The following KIRREL3 variants were observed in gnomAD, a reference collection of about 807,000 sequenced individuals.
KIRREL3 encodes the protein kin of IRRE-like protein 3.
KIRREL3 carries 36 observed loss-of-function variants against 89.7 expected under a neutral mutation model. The ratio of observed to expected loss-of-function variants is 0.40; its 90% CI spans 0.31 to 0.53. The LOEUF (loss-of-function observed/expected upper bound fraction) is 0.53. Among genes scored for constraint, KIRREL3 ranks in the 20% least tolerant of loss-of-function variants. KIRREL3 has a pLI of 0.49. For synonymous variants in KIRREL3, 445 were observed against 441.4 expected (o/e 1.01, Z -0.10); for missense variants, 864 against 1,056.6 (o/e 0.82, Z 2.53).
intron 1 of KIRREL3, among the ~76,000 whole-genome samples, chr11:126,757,966 C>A (rs1949558069): frequency 6.6e-6 from 1 of 152,190 alleles, no homozygotes; most frequent in Admixed American, 6.5e-5. Context: ...CAATTGGTAT[C>A]ATTTGCAAGG....
At chr11:126,695,933 T>G (rs1369786610) in intron 1 of KIRREL3, among the ~76,000 whole-genome samples, 2 of 152,156 alleles carry the variant, frequency 1.3e-5, no homozygotes, top group Non-Finnish European at 2.9e-5. Flanking sequence ...TCCCTGACAC[T>G]GCTGCCTCCT....
rs1405146196 is a variant in KIRREL3, at chr11:126,705,916, C to A, written c.56-143004G>T. ...TTTCTGCTTGCAGTCACTTAGAATG[C>A]TCCTTTTCAGAATCTGGCCCCTGTG... On this transcript the variant is annotated intron_variant, in intron 1 of 16. Coordinates refer to ENST00000525144, the MANE Select transcript of KIRREL3 (RefSeq NM_032531.4). This position sits in a 1 kb window ranked among gnomAD's most constrained non-coding sequence, Gnocchi z 4.3. Among the ~76,000 whole-genome samples, 1 of 152,180 alleles carries A rather than the reference C, an allele frequency of 6.6e-6. No homozygotes were observed. The highest frequency in any genetic ancestry group is 2.4e-5 in the African/African-American group (1 of 41,448).
rs1473562964 is a variant in KIRREL3 at position 126,807,940 on chromosome 11, T to C, written c.55+192515A>G. ...CCCAAGGCCATGGGCTGCAACCTTT[T>C]TATCTGTATCCCTCAGTGCCTGGCA... is the stretch of plus-strand genomic sequence containing the variant. On this transcript the variant is annotated intron_variant, in intron 1 of 16. Coordinates refer to ENST00000525144, the MANE Select transcript of KIRREL3 (RefSeq NM_032531.4). The surrounding 1 kb of genome is among the most constrained non-coding windows in gnomAD (Gnocchi z 4.3). Among the ~76,000 whole-genome samples, 3 of 152,248 alleles carry C rather than the reference T, an allele frequency of 2.0e-5. No homozygotes were observed. The highest frequency in any genetic ancestry group is 7.2e-5 in the African/African-American group (3 of 41,462).
At chr11:126,538,282 A>C (rs1938076578) in intron 2 of KIRREL3, among the ~76,000 whole-genome samples, 1 of 152,210 alleles carries the variant, frequency 6.6e-6, no homozygotes, top group Non-Finnish European at 1.5e-5. Context: ...AGGCTTAAGA[A>C]TACTTATACT....
rs1420864308 is a variant in KIRREL3, at chr11:126,837,894, G to C, written c.55+162561C>G. ...TACACTCCTAAAGCCCCAAAGAACT[G>C]CCATTTACAGAAATAGGTCTAGGAT... On this transcript the variant is annotated intron_variant, in intron 1 of 16. Coordinates refer to ENST00000525144, the MANE Select transcript of KIRREL3 (RefSeq NM_032531.4). This position sits in a 1 kb window ranked among gnomAD's most constrained non-coding sequence, Gnocchi z 4.7. Among the ~76,000 whole-genome samples the C allele has an allele frequency of 1.3e-5, 2 of 152,092 alleles. No individual in the cohort carries two copies.
rs1947434142 is a variant in KIRREL3 at position 126,704,423 on chromosome 11, C to G, written c.56-141511G>C. Among the ~76,000 whole-genome samples, 1 of 152,156 alleles carries G rather than the reference C, an allele frequency of 6.6e-6. No homozygotes were observed. On this transcript the variant is annotated intron_variant, in intron 1 of 16. Transcript: ENST00000525144. The surrounding 1 kb of genome is among the most constrained non-coding windows in gnomAD (Gnocchi z 4.2). ...CAGAACAGAGGCTTGCAAAAGACTG[C>G]AGCAACCAGCCCCAGCTGGCTGTAG...
At chr11:126,580,375 G>C (rs1941478513) in intron 1 of KIRREL3, among the ~76,000 whole-genome samples, 2 of 152,170 alleles carry the variant, frequency 1.3e-5, no homozygotes, top group Non-Finnish European at 2.9e-5. Flanking sequence ...ACTATACTGG[G>C]CCACCTAGAA....
intron 4 of KIRREL3, among the ~76,000 whole-genome samples, 177 bp from the exon 5 acceptor site, chr11:126,473,643 T>G (rs1410376161): frequency 6.6e-6 from 1 of 152,198 alleles, no homozygotes; most frequent in African/African-American, 2.4e-5. Context: ...CCCTGACATG[T>G]GCACTGCGTG....
In KIRREL3 at chr11:126,715,357, G is replaced by A. The variant is rs563266164; in HGVS notation, c.56-152445C>T. On this transcript the variant is annotated intron_variant, in intron 1 of 16. Transcript: ENST00000525144. This position sits in a 1 kb window ranked among gnomAD's most constrained non-coding sequence, Gnocchi z 4.4. The stretch of plus-strand genomic sequence containing the variant: ...AGGGCTGGTCTGGGACAGTTGCTGT[G>A]CTTCTGCTCTGCCCTGGCCAGCCTC... Among the ~76,000 whole-genome samples the A allele has an allele frequency of 6.6e-6, 1 of 152,304 alleles. No homozygotes were observed. The highest frequency in any genetic ancestry group is 1.9e-4 in the East Asian group (1 of 5,184).
Position 126,953,051 on chromosome 11 carries a change from C to T in KIRREL3, c.55+47404G>A, listed in dbSNP as rs1399645673. On this transcript the variant is annotated intron_variant, in intron 1 of 16. Coordinates refer to ENST00000525144, the MANE Select transcript of KIRREL3 (RefSeq NM_032531.4). The surrounding 1 kb of genome is among the most constrained non-coding windows in gnomAD (Gnocchi z 5.2). Reference sequence around the variant, plus strand: ...ATGCACATGTATGTTTATTGCAGCACTGTTCACAATAACAAAGACTTGGAA... The same window carrying T: ...ATGCACATGTATGTTTATTGCAGCATTGTTCACAATAACAAAGACTTGGAA... Among the ~76,000 whole-genome samples, 2 of 152,186 alleles carry T rather than the reference C, an allele frequency of 1.3e-5. No individual in the cohort carries two copies. The highest frequency in any genetic ancestry group is 2.9e-5 in the Non-Finnish European group (2 of 68,032).
intron 4 of KIRREL3, among the ~76,000 whole-genome samples, chr11:126,483,990 G>A (rs1323747955): frequency 2.0e-5 from 3 of 152,206 alleles, no homozygotes; most frequent in Non-Finnish European, 4.4e-5. Context: ...GCCCGCCTCA[G>A]CAGGTACATG....
chr11:126,451,075 G>GTGCATGCA (rs1956094161), intron 7 of KIRREL3, among the ~76,000 whole-genome samples: 1 of 149,672 alleles, frequency 6.7e-6, no homozygotes, highest in African/African-American at 2.5e-5. Context: ...ATGTGCATGT[G>GTGCATGCA]TGTGCGTGTG....
At chr11:126,499,167 A>AAAAT (rs57562072) in intron 4 of KIRREL3, among the ~76,000 whole-genome samples, 3 of 150,452 alleles carry the variant, frequency 2.0e-5, no homozygotes, top group Admixed American at 6.6e-5. Context: ...AAAAAAAAAA[A>AAAAT]GCTGTGCGTT....
chr11:126,548,272 A>G (rs1046731749), intron 2 of KIRREL3, among the ~76,000 whole-genome samples: 1 of 152,174 alleles, frequency 6.6e-6, no homozygotes, highest in Non-Finnish European at 1.5e-5. Flanking sequence ...GCCCACTTGT[A>G]TCTGCAGGCC....
chr11:126,919,016 T>C (rs568348722), intron 1 of KIRREL3, among the ~76,000 whole-genome samples: 2 of 149,674 alleles, frequency 1.3e-5, no homozygotes, highest in African/African-American at 4.9e-5. Flanking sequence ...TATGTATATA[T>C]GTATTATTAT....
chr11:126,787,688 T>C (rs2134348414), intron 1 of KIRREL3, among the ~76,000 whole-genome samples: 1 of 152,326 alleles, frequency 6.6e-6, no homozygotes, highest in South Asian at 2.1e-4. Flanking sequence ...TTGCTTCTTG[T>C]TATTTCTTTT....
chr11:126,493,049 A>C (rs568407568), intron 4 of KIRREL3, among the ~76,000 whole-genome samples: 1 of 152,338 alleles, frequency 6.6e-6, no homozygotes, highest in African/African-American at 2.4e-5. Context: ...ATTTCCCTGC[A>C]GGGATTGACG....
In KIRREL3 at chr11:126,622,096, G is replaced by C. The variant is rs1000713258; in HGVS notation, c.56-59184C>G. Among the ~76,000 whole-genome samples the C allele has an allele frequency of 2.0e-5, 3 of 152,098 alleles. No individual in the cohort carries two copies. Among genetic ancestry groups the C allele is most frequent in the African/African-American group, 7.2e-5 (3 of 41,400 alleles). ...GTAATGGGGCATTGCCACAGATTAG[G>C]TATCTCATTTGTGTCATTATTTTGC... On this transcript the variant is annotated intron_variant, in intron 1 of 16. Coordinates refer to ENST00000525144, the MANE Select transcript of KIRREL3 (RefSeq NM_032531.4). This position sits in a 1 kb window ranked among gnomAD's most constrained non-coding sequence, Gnocchi z 5.2.
rs942005834 is a variant in KIRREL3, at chr11:126,904,386, C to T, written c.55+96069G>A. Among the ~76,000 whole-genome samples, 1 of 152,180 alleles carries T rather than the reference C, an allele frequency of 6.6e-6. No homozygotes were observed. Among genetic ancestry groups the T allele is most frequent in the Non-Finnish European group, 1.5e-5 (1 of 68,034 alleles). On this transcript the variant is annotated intron_variant, in intron 1 of 16. Coordinates refer to ENST00000525144, the MANE Select transcript of KIRREL3 (RefSeq NM_032531.4). This position sits in a 1 kb window ranked among gnomAD's most constrained non-coding sequence, Gnocchi z 4.4. The stretch of plus-strand genomic sequence containing the variant: ...TTAAATTGGGTCTTGATGTTTACTG[C>T]ATCTCTGACTGCAATAAGACTGATC...
Sources: allele counts gnomAD v4.1 joint callset (sites outside exome capture counted in the v4.1 genomes callset), GRCh38; gene constraint gnomAD v4.1.1; non-coding constraint Gnocchi (gnomAD v3.1); transcripts MANE v1.5; gene names NCBI Gene and HGNC (gene_info 2026-07-23, HGNC 2026-07-21).